The following PRELID2 variants were observed in gnomAD, a reference collection of about 807,000 sequenced individuals.
PRELID2 encodes the protein PRELI domain-containing protein 2.
A neutral mutation model predicts 28.4 loss-of-function variants in PRELID2; 25 were observed. That is an observed-to-expected ratio of 0.88 (90% CI 0.64 to 1.23). The LOEUF is 1.23. Ranked by LOEUF, PRELID2 falls within the 50% of genes most tolerant of loss-of-function variation. The pLI is 0.00. For synonymous variants in PRELID2, 76 were observed against 71.6 expected (o/e 1.06, Z -0.31); for missense variants, 201 against 214.4 (o/e 0.94, Z 0.39).
the PRELID2 span, among the ~76,000 whole-genome samples, chr5:145,379,807 A>G: frequency 1.3e-5 from 2 of 152,170 alleles, no homozygotes; most frequent in African/African-American, 2.4e-5. Flanking sequence ...CAAGTCAGGC[A>G]TGTTTTATGA....
chr5:145,523,437 C>G (rs1353152677), intron 1 of PRELID2, among the ~76,000 whole-genome samples: 1 of 152,180 alleles, frequency 6.6e-6, no homozygotes, highest in African/African-American at 2.4e-5. Context: ...AGTATTAGCT[C>G]AGGCCACTGT....
intron 1 of PRELID2, among the ~76,000 whole-genome samples, chr5:145,554,086 T>C (rs1245799961): frequency 6.6e-6 from 1 of 152,104 alleles, no homozygotes; most frequent in Non-Finnish European, 1.5e-5. Context: ...GCCAAACAAA[T>C]GAAAAATTCT....
At chr5:145,291,773 C>T in the PRELID2 span, among the ~76,000 whole-genome samples, 594 of 152,214 alleles carry the variant, frequency 3.9e-3, 4 homozygotes, top group Non-Finnish European at 5.2e-3. Flanking sequence ...ACACTTAGAT[C>T]TATGATCTAT....
At position 145,471,877 on chromosome 5, in the gene PRELID2, A is replaced by T. The variant is rs1190582338; in HGVS notation, n.447T>A. The stretch of plus-strand genomic sequence containing the variant: ...ATAGAATTGCTGGGAGAGCTGGAGG[A>T]GCCAGCTCCACAATGGGACAACAAA... On this transcript the variant is annotated non_coding_transcript_exon_variant, in exon 3 of 3. Coordinates refer to the PRELID2 transcript ENST00000510259. The T allele has an allele frequency of 5.3e-5, 8 of 152,300 alleles. No individual in the cohort carries two copies. The East Asian group carries it at 1.5e-3, about 29-fold the overall frequency. The allele number at this position is 152,300 out of a possible 1,614,324, so 9.4% of individuals were successfully genotyped here. A position where few individuals can be genotyped will look rare whatever the true frequency, so the allele number is the denominator to read the frequency against.
At position 145,768,899 on chromosome 5, in the gene PRELID2, C is replaced by G. The variant is rs117839213; in HGVS notation, c.475-3899G>C. Among the ~76,000 whole-genome samples the G allele has an allele frequency of 6.4e-4, 97 of 151,596 alleles. No individual in the cohort carries two copies. The East Asian group carries it at 0.017, about 26-fold the overall frequency. On this transcript the variant is annotated intron_variant, in intron 5 of 6. Transcript: ENST00000683046. ...GTTAGAAATGGAACATGGAGAATGG[C>G]GGCAGGGAGAGAGAGGCCTATAAAA... is the stretch of plus-strand genomic sequence containing the variant.
intron 1 of PRELID2, among the ~76,000 whole-genome samples, chr5:145,674,506 A>G (rs1754775394): frequency 6.6e-6 from 1 of 152,228 alleles, no homozygotes; most frequent in Non-Finnish European, 1.5e-5. Flanking sequence ...ATTAATTCAG[A>G]TTCAGCATCT....
intron 1 of PRELID2, among the ~76,000 whole-genome samples, chr5:145,697,076 T>TACACAC (rs1359786700): frequency 1.3e-4 from 14 of 110,454 alleles, no homozygotes; most frequent in Admixed American, 4.5e-4. Flanking sequence ...TATATATATA[T>TACACAC]ATATACACAC....
chr5:145,566,382 AG>A (rs1237255714), intron 1 of PRELID2, among the ~76,000 whole-genome samples: 11 of 152,230 alleles, frequency 7.2e-5, no homozygotes, highest in Admixed American at 7.2e-4. Context: ...TGAAACACAA[AG>A]GGAATGTCTC....
intron 1 of PRELID2, among the ~76,000 whole-genome samples, chr5:145,736,683 G>A (rs1339925093): frequency 6.6e-6 from 1 of 152,092 alleles, no homozygotes; most frequent in Non-Finnish European, 1.5e-5. Context: ...AGATAGATGA[G>A]CAACTGACGT....
At chr5:145,679,081 C>T (rs1754881212) in intron 1 of PRELID2, among the ~76,000 whole-genome samples, 1 of 152,198 alleles carries the variant, frequency 6.6e-6, no homozygotes. Context: ...CAGTCCTCTG[C>T]ATTTGGGAAA....
intron 1 of PRELID2, among the ~76,000 whole-genome samples, chr5:145,660,411 C>T (rs958355600): frequency 6.6e-6 from 1 of 152,176 alleles, no homozygotes; most frequent in African/African-American, 2.4e-5. Flanking sequence ...GATCCTCCTA[C>T]ATCAGCTCCT....
At chr5:145,818,153 C>A in intron 3 of PRELID2, 99 bp from the exon 4 acceptor site, 1 of 1,238,050 alleles carries the variant, frequency 8.1e-7, no homozygotes, top group Non-Finnish European at 1.1e-6. Context: ...ACCAAGAGGA[C>A]AAGTAATCCT....
chr5:145,620,526 C>A (rs1458126652), intron 1 of PRELID2, among the ~76,000 whole-genome samples: 1 of 152,144 alleles, frequency 6.6e-6, no homozygotes, highest in African/African-American at 2.4e-5. Flanking sequence ...TCTTTGTACC[C>A]TCCTCTCAAT....
At chr5:145,351,471 G>A in the PRELID2 span, among the ~76,000 whole-genome samples, 2 of 152,056 alleles carry the variant, frequency 1.3e-5, no homozygotes, top group Non-Finnish European at 2.9e-5. Flanking sequence ...AGCATGGAGG[G>A]AACAACCCCC....
intron 1 of PRELID2, among the ~76,000 whole-genome samples, chr5:145,475,382 C>A (rs1752091019): frequency 6.6e-6 from 1 of 152,178 alleles, no homozygotes; most frequent in Non-Finnish European, 1.5e-5. Context: ...AAGACTTCCA[C>A]TTAGCTTATG....
At position 145,819,979 on chromosome 5, in the gene PRELID2, A is replaced by G. The variant is rs765181333; in HGVS notation, c.173T>C (p.Ile58Thr). 3.7e-6 allele frequency: 6 copies of G among 1,607,716 alleles called. No homozygotes were observed. The South Asian group carries it at 6.7e-5, about 18-fold the overall frequency. ...TGVIYRKRIA[I>T]CQNVVPEILR... ...AATTTCTGGAACCACGTTCTGACAG[A>G]TTGCAATCCTCTTTCTGTAGATGAC... Residue 58 changes from isoleucine to threonine, a missense_variant, in exon 3 of 7, where the codon ATC (isoleucine) becomes ACC (threonine). By Grantham distance (89) the Ile-to-Thr change is moderately conservative. Coordinates refer to ENST00000683046, the MANE Select transcript of PRELID2 (RefSeq NM_205846.3).
chr5:145,816,249 ATTG>A (rs1754300865), intron 4 of PRELID2, among the ~76,000 whole-genome samples: 1 of 151,512 alleles, frequency 6.6e-6, no homozygotes, highest in African/African-American at 2.4e-5. Flanking sequence ...CACCCGGCTA[ATTG>A]TTGTATTTTT....
At chr5:145,747,742 C>G (rs548736045) in intron 1 of PRELID2, among the ~76,000 whole-genome samples, 1 of 151,910 alleles carries the variant, frequency 6.6e-6, no homozygotes, top group Non-Finnish European at 1.5e-5. Flanking sequence ...TGATAAACAT[C>G]GATGCAATAA....
At chr5:145,555,783 G>T (rs1479367969) in intron 1 of PRELID2, among the ~76,000 whole-genome samples, 1 of 152,172 alleles carries the variant, frequency 6.6e-6, no homozygotes, top group African/African-American at 2.4e-5. Flanking sequence ...CTCACAGAGA[G>T]AAGCAGTCCT....
Sources: allele counts gnomAD v4.1 joint callset (sites outside exome capture counted in the v4.1 genomes callset), GRCh38; gene constraint gnomAD v4.1.1; transcripts MANE v1.5; gene names NCBI Gene and HGNC (gene_info 2026-07-23, HGNC 2026-07-21).